The following NUP155 variants were observed in gnomAD, a reference collection of about 807,000 sequenced individuals.
NUP155 encodes the protein nucleoporin 155.
NUP155 carries 71 observed loss-of-function variants against 180.4 expected under a neutral mutation model. The ratio of observed to expected loss-of-function variants is 0.39; its 90% CI spans 0.33 to 0.48. The LOEUF is 0.48. Ranked by LOEUF, NUP155 falls within the 20% of genes least tolerant of loss-of-function variation. NUP155 has a pLI of 0.91. For synonymous variants in NUP155, 582 were observed against 559.5 expected, an observed-to-expected ratio of 1.04 and a Z score of -0.57; for missense variants, 1,553 against 1,648.9, an observed-to-expected ratio of 0.94 and a Z score of 1.01.
intron 22 of NUP155, among the ~76,000 whole-genome samples, chr5:37,313,477 G>A (rs1203547112): frequency 1.8e-5 from 1 of 54,442 alleles, no homozygotes; most frequent in East Asian, 6.2e-4. Flanking sequence ...GTGTATATGT[G>A]TGTGTGTGTG....
rs1743460312 is a variant in NUP155 at position 37,310,540 on chromosome 5, A to T, written c.2628+12T>A. 2 of 1,601,900 alleles carry T rather than the reference A, an allele frequency of 1.2e-6. No individual in the cohort carries two copies. Among genetic ancestry groups the T allele is most frequent in the African/African-American group, 2.7e-5 (2 of 74,694 alleles). On this transcript the variant is annotated intron_variant, in intron 23 of 34. Transcript: ENST00000231498. ...TATAACAAACAATGAAATAGGTAATAAAGTATCATACCTTAGAACAAATTG... is the reference window on the plus strand; with the variant it reads ...TATAACAAACAATGAAATAGGTAATTAAGTATCATACCTTAGAACAAATTG...
rs1012243034 is a variant in NUP155, at chr5:37,345,474, G to A, written c.996-2828C>T. On this transcript the variant is annotated intron_variant, in intron 9 of 34. Transcript: ENST00000231498. The stretch of plus-strand genomic sequence containing the variant: ...TGCAGTAAGCCACGATCGCACCACT[G>A]TACTCCAGCCTGGGTATCAGAGTGT... Among the ~76,000 whole-genome samples, 39 of 135,668 alleles carry A rather than the reference G, an allele frequency of 2.9e-4. 1 individual carries two copies. In the Admixed American group the frequency reaches 3.3e-3, roughly 11 times the overall value. The allele number at this position is 135,668 out of a possible 152,430, so 89.0% of individuals were successfully genotyped here.
At chr5:37,341,311 C>A in intron 10 of NUP155, 69 bp from the exon 11 acceptor site, 1 of 1,261,066 alleles carries the variant, frequency 7.9e-7, no homozygotes, top group Non-Finnish European at 1.2e-6. Flanking sequence ...GTTATTGAAG[C>A]AATTACATAC....
At chr5:37,369,090 T>C (rs1250522010) in intron 1 of NUP155, among the ~76,000 whole-genome samples, 6 of 152,082 alleles carry the variant, frequency 3.9e-5, no homozygotes, top group African/African-American at 2.4e-5. Context: ...CGTCTCTACA[T>C]AAAAATTAAA....
intron 33 of NUP155, among the ~76,000 whole-genome samples, chr5:37,293,492 T>A (rs1294663002): frequency 1.3e-5 from 2 of 152,232 alleles, no homozygotes; most frequent in African/African-American, 2.4e-5. Context: ...CTCATTTCCA[T>A]CACAGGCTAA....
intron 11 of NUP155, 121 bp from the exon 12 acceptor site, chr5:37,338,039 G>T: frequency 1.5e-6 from 1 of 649,746 alleles, no homozygotes; most frequent in Non-Finnish European, 2.7e-6. Flanking sequence ...TATAAAACCG[G>T]GCTGGGCACG....
At chr5:37,294,886 T>C (rs217815) in intron 32 of NUP155, among the ~76,000 whole-genome samples, 4,363 of 152,248 alleles carry the variant, frequency 0.029, 224 homozygotes, top group African/African-American at 0.099. Flanking sequence ...GAGTTTCTTT[T>C]TGGGATGATG....
chr5:37,329,318 A>C (rs776069849), intron 15 of NUP155, 40 bp from the exon 16 acceptor site: 99 of 1,497,402 alleles, frequency 6.6e-5, no homozygotes, highest in Non-Finnish European at 8.9e-5. Context: ...TCAGTAAAAC[A>C]AACCATCCAT....
intron 2 of NUP155, 53 bp downstream of exon 2, chr5:37,364,194 A>C: frequency 7.2e-7 from 1 of 1,398,398 alleles, no homozygotes; most frequent in Non-Finnish European, 1.0e-6. Flanking sequence ...AATTATAAGA[A>C]TGAAAAATAC....
In NUP155 at chr5:37,330,114, T is replaced by C. The variant is rs759245337; in HGVS notation, c.1648A>G (p.Thr550Ala). 1.9e-6 allele frequency: 3 copies of C among 1,612,880 alleles called. No individual in the cohort carries two copies. Among genetic ancestry groups the C allele is most frequent in the Non-Finnish European group, 2.5e-6 (3 of 1,179,310 alleles). The change falls in exon 15 of 35, where the codon ACT becomes GCT. Residue 550 changes from threonine to alanine, a missense_variant. By Grantham distance (58) the Thr-to-Ala change is moderately conservative. Coordinates refer to ENST00000231498, the MANE Select transcript of NUP155 (RefSeq NM_153485.3). ...KLHQEDQACATCLILACSTAA... is the reference protein window; with the variant it reads ...KLHQEDQACAACLILACSTAA... ...GTGGAGCAAGCAAGAATAAGGCAAG[T>C]TGCACAAGCCTGGTCTTCCTGTGTA...
intron 4 of NUP155, 46 bp from the exon 5 acceptor site, chr5:37,352,875 C>T: frequency 4.6e-6 from 6 of 1,318,482 alleles, no homozygotes; most frequent in Non-Finnish European, 6.6e-6. Flanking sequence ...AGCATTTAAG[C>T]ACTAACAGAG....
intron 14 of NUP155, among the ~76,000 whole-genome samples, chr5:37,330,940 G>C (rs146512218): frequency 0.016 from 2,373 of 151,990 alleles, 47 homozygotes; most frequent in African/African-American, 0.047. Context: ...ATGAGGTCAG[G>C]AGATCGAGAC....
At chr5:37,340,983 CCA>C (rs1745678836) in intron 11 of NUP155, 105 bp downstream of exon 11, 1 of 957,678 alleles carries the variant, frequency 1.0e-6, no homozygotes, top group Non-Finnish European at 1.6e-6. Flanking sequence ...CTAGTAGTTC[CCA>C]GTTTCTACTG....
chr5:37,359,992 C>A (rs1747092564), intron 3 of NUP155, among the ~76,000 whole-genome samples: 1 of 152,082 alleles, frequency 6.6e-6, no homozygotes, highest in Admixed American at 6.6e-5. Context: ...GTGTCCCAGG[C>A]CTGTAATCCC....
intron 1 of NUP155, among the ~76,000 whole-genome samples, chr5:37,370,019 C>T (rs1747856727): frequency 6.6e-6 from 1 of 152,204 alleles, no homozygotes; most frequent in Admixed American, 6.5e-5. Flanking sequence ...TTCTTTATTC[C>T]ACTGGTAGTT....
At position 37,324,101 on chromosome 5, in the gene NUP155, T is replaced by C. The variant is rs1345583257; in HGVS notation, c.2098A>G (p.Ser700Gly). 1 of 1,604,632 alleles carries C rather than the reference T, an allele frequency of 6.2e-7. No individual in the cohort carries two copies. The highest frequency in any genetic ancestry group is 2.2e-5 in the East Asian group (1 of 44,780). ...SGNREITAIE[S>G]SVPCQLLESV... ...TCTAGCAGTTGGCAGGGAACACTACTTTCAATCTGTAAAAATGAAAGATTT... is the reference window on the plus strand; with the variant it reads ...TCTAGCAGTTGGCAGGGAACACTACCTTCAATCTGTAAAAATGAAAGATTT... The change falls in exon 20 of 35, where the codon AGT (serine) becomes GGT (glycine). Residue 700 changes from serine to glycine, a missense_variant. Ser to Gly is a moderately conservative substitution (Grantham distance 56, BLOSUM62 0). Coordinates refer to ENST00000231498, the MANE Select transcript of NUP155 (RefSeq NM_153485.3).
intron 1 of NUP155, 85 bp from the exon 2 acceptor site, chr5:37,364,469 T>C (rs1747422214): frequency 8.3e-7 from 1 of 1,207,184 alleles, no homozygotes; most frequent in Non-Finnish European, 1.2e-6. Flanking sequence ...AAAAAAATTG[T>C]TGTGTGTTGG....
Position 37,291,901 on chromosome 5 carries a change from T to G in NUP155, c.4175A>C (p.Ter1392SerextTer3). ...ACGGATGAAAGTATATCACAGTAAT[T>G]AATGAAGCCGTTCTAATTTAGCTTG... is the stretch of plus-strand genomic sequence containing the variant. ...SLQAKLERLH* is the reference protein window; with the variant it reads ...SLQAKLERLHS Residue 1392 changes from the stop codon to serine, a stop_lost, in exon 35 of 35, where the codon TAA becomes TCA. Transcript: ENST00000231498. 1 of 1,613,856 alleles carries G rather than the reference T, an allele frequency of 6.2e-7. No homozygotes were observed. Among genetic ancestry groups the G allele is most frequent in the Non-Finnish European group, 8.5e-7 (1 of 1,179,766 alleles).
intron 21 of NUP155, 86 bp from the exon 22 acceptor site, chr5:37,314,414 T>C: frequency 9.6e-6 from 10 of 1,044,934 alleles, no homozygotes; most frequent in Non-Finnish European, 1.4e-5. Context: ...AAGGTTGAAA[T>C]CCCTGTTGTT....
Sources: allele counts gnomAD v4.1 joint callset (sites outside exome capture counted in the v4.1 genomes callset), GRCh38; gene constraint gnomAD v4.1.1; transcripts MANE v1.5; gene names NCBI Gene and HGNC (gene_info 2026-07-23, HGNC 2026-07-21).